The following NINJ2 variants were observed in gnomAD, a reference collection of about 807,000 sequenced individuals.
NINJ2 encodes the protein ninjurin-2.
A neutral mutation model predicts 11.7 loss-of-function variants in NINJ2; 12 were observed. The observed-to-expected ratio is 1.02, with a 90% CI of 0.66 to 1.66. The LOEUF (loss-of-function observed/expected upper bound fraction) is 1.66. NINJ2 is among the 40% of genes most tolerant of loss of function. NINJ2 has a pLI of 0.00. For missense variants in NINJ2, 187 were observed against 181.8 expected, an observed-to-expected ratio of 1.03 and a Z score of -0.16; for synonymous variants, 93 against 76.8, an observed-to-expected ratio of 1.21 and a Z score of -1.10.
chr12:575,692 A>G (rs188591062), intron 1 of NINJ2, among the ~76,000 whole-genome samples: 2 of 152,270 alleles, frequency 1.3e-5, no homozygotes, highest in East Asian at 1.9e-4. Context: ...CCTTGCCCAC[A>G]TGAGGTACAC....
chr12:575,747 A>G (rs529578315), intron 1 of NINJ2, among the ~76,000 whole-genome samples: 6 of 152,362 alleles, frequency 3.9e-5, no homozygotes, highest in Admixed American at 3.9e-4. Flanking sequence ...AGCTTTTTCA[A>G]AAAAGGCAAA....
intron 1 of NINJ2, 140 bp from the exon 2 acceptor site, chr12:566,318 G>C (rs1947301227): frequency 1.5e-6 from 1 of 665,878 alleles, no homozygotes; most frequent in Admixed American, 2.9e-5. Flanking sequence ...TAGTTTCATG[G>C]CCTGATAAAA....
chr12:577,422 T>TATATAC, intron 1 of NINJ2, among the ~76,000 whole-genome samples: 1 of 137,896 alleles, frequency 7.3e-6, no homozygotes, highest in Non-Finnish European at 1.6e-5. Flanking sequence ...GTCTCATATA[T>TATATAC]ATATATACAT....
intron 1 of NINJ2, among the ~76,000 whole-genome samples, chr12:569,636 T>C (rs934606127): frequency 6.6e-6 from 1 of 152,054 alleles, no homozygotes; most frequent in African/African-American, 2.4e-5. Flanking sequence ...ACTGACCAAA[T>C]AGTGGGGGAA....
chr12:572,952 G>A (rs1032566352), intron 1 of NINJ2, among the ~76,000 whole-genome samples: 5 of 150,122 alleles, frequency 3.3e-5, no homozygotes, highest in Non-Finnish European at 7.4e-5. Context: ...CCACTCCAGG[G>A]TTCAAGCAAT....
chr12:652,331 T>A (rs1288706472), intron 1 of NINJ2, among the ~76,000 whole-genome samples: 1 of 152,178 alleles, frequency 6.6e-6, no homozygotes, highest in Non-Finnish European at 1.5e-5. Context: ...AAATTATCCC[T>A]CTAAAGGGAA....
intron 1 of NINJ2, among the ~76,000 whole-genome samples, chr12:662,767 GAC>G (rs1290110744): frequency 6.6e-6 from 1 of 152,160 alleles, no homozygotes; most frequent in Admixed American, 6.6e-5. Context: ...GCTACAGAGG[GAC>G]ACACATCTCT....
chr12:623,630 A>C (rs1029010695), intron 1 of NINJ2, among the ~76,000 whole-genome samples: 2 of 152,212 alleles, frequency 1.3e-5, no homozygotes, highest in African/African-American at 4.8e-5. Flanking sequence ...CAGGCTAGGA[A>C]GGGATCTGGG....
chr12:622,343 G>A lies in NINJ2; in HGVS notation c.33+40985C>T, dbSNP rs148993592. Among the ~76,000 whole-genome samples the A allele has an allele frequency of 4.3e-3, 625 of 145,686 alleles. 32 individuals carry two copies. In the East Asian group the frequency reaches 0.11, roughly 25 times the overall value. ...GAGAATGGCATGAACCCGGGAAGCG[G>A]AGCTTGCTGTGAGCTGAGATCACGC... On this transcript the variant is annotated intron_variant, in intron 1 of 3. Coordinates refer to ENST00000305108, the MANE Select transcript of NINJ2 (RefSeq NM_016533.6).
At chr12:630,153 A>G (rs1379809659) in intron 1 of NINJ2, among the ~76,000 whole-genome samples, 1 of 151,684 alleles carries the variant, frequency 6.6e-6, no homozygotes, top group Non-Finnish European at 1.5e-5. Context: ...AACCGCTCTT[A>G]GGTTCCTTCC....
rs1947549823 is a variant in NINJ2, at chr12:581,202, CGTGT to C, written c.34-15028_34-15025del. Among the ~76,000 whole-genome samples, 3 of 151,492 alleles carry C rather than the reference CGTGT, an allele frequency of 2.0e-5. No homozygotes were observed. The South Asian group carries it at 6.3e-4, about 32-fold the overall frequency. On this transcript the variant is annotated intron_variant, in intron 1 of 3. Transcript: ENST00000305108. The surrounding 1 kb of genome is among the most constrained non-coding windows in gnomAD (Gnocchi z 4.9). ...CTGTGTGTGTGTCTGTCTCTGTGTG[CGTGT>C]GTGTGTCTATTGTCCCTGAGCTCAG...
At chr12:572,407 G>A (rs572627664) in intron 1 of NINJ2, among the ~76,000 whole-genome samples, 1 of 152,364 alleles carries the variant, frequency 6.6e-6, no homozygotes, top group East Asian at 1.9e-4. Flanking sequence ...GGAAAGCCAG[G>A]CCTCCCTTGA....
intron 1 of NINJ2, among the ~76,000 whole-genome samples, chr12:622,122 G>GAAA (rs71045087): frequency 3.0e-5 from 3 of 101,320 alleles, no homozygotes; most frequent in African/African-American, 1.2e-4. Context: ...ACTGTGTCGG[G>GAAA]AAAAAAAAAA....
rs1163108145 is a variant in NINJ2, at chr12:633,027, G to T, written c.33+30301C>A. ...AGATCCAGTGTATTTTCTGTCAGTA[G>T]ATTTCAATCAGAAAGGTCGTGAAAT... is the stretch of plus-strand genomic sequence containing the variant. On this transcript the variant is annotated intron_variant, in intron 1 of 3. Coordinates refer to ENST00000305108, the MANE Select transcript of NINJ2 (RefSeq NM_016533.6). This position sits in a 1 kb window ranked among gnomAD's most constrained non-coding sequence, Gnocchi z 4.3. 6.6e-6 allele frequency among the ~76,000 whole-genome samples: 1 copy of T among 152,178 alleles called. No individual in the cohort carries two copies. The highest frequency in any genetic ancestry group is 1.5e-5 in the Non-Finnish European group (1 of 68,034).
rs144617523 is a variant in NINJ2, at chr12:655,720, C to G, written c.33+7608G>C. 7.2e-3 allele frequency among the ~76,000 whole-genome samples: 1,092 copies of G among 151,890 alleles called. 16 individuals are homozygous for G. Among genetic ancestry groups the G allele is most frequent in the African/African-American group, 0.025 (1,030 of 41,438 alleles). On this transcript the variant is annotated intron_variant, in intron 1 of 3. Transcript: ENST00000305108. ...TTGAGGTCAGGAGTTCGAGACCAGCCTGGTCAACATGGTGAAACCCTGTCA... is the reference window on the plus strand; with the variant it reads ...TTGAGGTCAGGAGTTCGAGACCAGCGTGGTCAACATGGTGAAACCCTGTCA...
At position 623,433 on chromosome 12, in the gene NINJ2, T is replaced by G. The variant is rs559039624; in HGVS notation, c.33+39895A>C. 5.9e-5 allele frequency among the ~76,000 whole-genome samples: 9 copies of G among 152,318 alleles called. No individual in the cohort carries two copies. The South Asian group carries it at 1.9e-3, about 32-fold the overall frequency. On this transcript the variant is annotated intron_variant, in intron 1 of 3. Coordinates refer to ENST00000305108, the MANE Select transcript of NINJ2 (RefSeq NM_016533.6). ...CCCGGCAGCCTGCCCTGTCTGTTAG[T>G]GCTGTGAGTCTCTGAATGTACCAGC... is the stretch of plus-strand genomic sequence containing the variant.
chr12:604,127 G>A (rs926236942), intron 1 of NINJ2, among the ~76,000 whole-genome samples: 3 of 152,208 alleles, frequency 2.0e-5, no homozygotes, highest in South Asian at 4.1e-4. Flanking sequence ...GCTATTCTGG[G>A]TTCCTTGAAA....
chr12:601,396 AAAT>A (rs2120907410), intron 1 of NINJ2, among the ~76,000 whole-genome samples: 2 of 151,678 alleles, frequency 1.3e-5, no homozygotes, highest in African/African-American at 4.9e-5. Flanking sequence ...AATACAAAAA[AAAT>A]TAGCCAGGCG....
intron 1 of NINJ2, among the ~76,000 whole-genome samples, chr12:627,857 C>T (rs1320965256): frequency 6.6e-6 from 1 of 152,232 alleles, no homozygotes; most frequent in Non-Finnish European, 1.5e-5. Flanking sequence ...GGCAGGAGAA[C>T]CCGGGAAGTG....
Sources: allele counts gnomAD v4.1 joint callset (sites outside exome capture counted in the v4.1 genomes callset), GRCh38; gene constraint gnomAD v4.1.1; non-coding constraint Gnocchi (gnomAD v3.1); transcripts MANE v1.5; gene names NCBI Gene and HGNC (gene_info 2026-07-23, HGNC 2026-07-21).